MDGA2: variants seen among roughly 807,000 people sequenced by gnomAD.
The protein encoded by MDGA2 is MAM domain containing glycosylphosphatidylinositol anchor 2, also known as MAM domain-containing glycosylphosphatidylinositol anchor protein 2.
A neutral mutation model predicts 117.8 loss-of-function variants in MDGA2; 40 were observed. That is an observed-to-expected ratio of 0.34 (90% CI 0.26 to 0.44). MDGA2 has a LOEUF of 0.44. Ranked by LOEUF, MDGA2 falls within the 20% of genes least tolerant of loss-of-function variation. The probability of loss-of-function intolerance (pLI) is 1.00; values close to 1 mark genes in which losing one functional copy is unlikely to be tolerated. For missense variants in MDGA2, 1,123 were observed against 1,250.6 expected, an observed-to-expected ratio of 0.90 and a Z score of 1.54; for synonymous variants, 452 against 439.0, an observed-to-expected ratio of 1.03 and a Z score of -0.37.
chr14:46,864,808 A>G (rs1271720624), intron 14 of MDGA2, among the ~76,000 whole-genome samples: 2 of 151,956 alleles, frequency 1.3e-5, no homozygotes, highest in Non-Finnish European at 1.5e-5. Context: ...TAATATCTAA[A>G]TGGAGAACAC....
At chr14:47,484,362 A>G (rs1894014934) in intron 1 of MDGA2, among the ~76,000 whole-genome samples, 1 of 152,206 alleles carries the variant, frequency 6.6e-6, no homozygotes, top group Non-Finnish European at 1.5e-5. Flanking sequence ...AATAAAGTCA[A>G]GTCCATCCAA....
At chr14:47,116,705 GC>G (rs1881349342) in intron 5 of MDGA2, among the ~76,000 whole-genome samples, 1 of 151,958 alleles carries the variant, frequency 6.6e-6, no homozygotes, top group African/African-American at 2.4e-5. Context: ...ATATCCATGT[GC>G]AAAGAAAAAA....
At chr14:47,394,745 A>C (rs1049906356) in intron 1 of MDGA2, among the ~76,000 whole-genome samples, 1 of 152,202 alleles carries the variant, frequency 6.6e-6, no homozygotes, top group African/African-American at 2.4e-5. Flanking sequence ...ATAAAGTGTC[A>C]AATTAAAACA....
chr14:47,089,090 T>A (rs977053735), intron 6 of MDGA2, among the ~76,000 whole-genome samples: 2 of 151,446 alleles, frequency 1.3e-5, no homozygotes, highest in Admixed American at 6.6e-5. Context: ...ATTGTTGAGA[T>A]TTTTTTTTCC....
intron 8 of MDGA2, among the ~76,000 whole-genome samples, chr14:46,976,302 A>T (rs770433217): frequency 4.6e-5 from 7 of 152,206 alleles, no homozygotes; most frequent in Non-Finnish European, 5.9e-5. Flanking sequence ...CTTAGAACAA[A>T]ACAAAAAAGA....
intron 9 of MDGA2, among the ~76,000 whole-genome samples, chr14:46,929,607 A>G (rs1357559964): frequency 0.043 from 478 of 11,146 alleles, 18 homozygotes; most frequent in African/African-American, 0.16. Context: ...GTGTGTATAT[A>G]TATATATATA....
intron 3 of MDGA2, among the ~76,000 whole-genome samples, chr14:47,187,325 A>T (rs952190210): frequency 3.9e-5 from 6 of 152,014 alleles, no homozygotes; most frequent in African/African-American, 1.4e-4. Context: ...AACTTTTATA[A>T]GAGTTTTCAG....
At chr14:47,195,803 G>A (rs58409833) in intron 3 of MDGA2, among the ~76,000 whole-genome samples, 1 of 152,074 alleles carries the variant, frequency 6.6e-6, no homozygotes, top group East Asian at 1.9e-4. Context: ...CCTGAGAAGT[G>A]CATTTATAGA....
intron 8 of MDGA2, among the ~76,000 whole-genome samples, chr14:47,015,416 T>G (rs1245703881): frequency 7.2e-6 from 1 of 138,860 alleles, no homozygotes; most frequent in Non-Finnish European, 1.6e-5. Flanking sequence ...TAAAGGACAA[T>G]AAAACAAAAT....
chr14:47,519,614 A>G lies in MDGA2; in HGVS notation c.280+154903T>C, dbSNP rs374946260. Reference sequence around the variant, plus strand: ...TTAAATTCTCCCAAGTTTTTATTTGATTATTTTGTCAGAGGGAAGTGGAAA... The same window carrying G: ...TTAAATTCTCCCAAGTTTTTATTTGGTTATTTTGTCAGAGGGAAGTGGAAA... On this transcript the variant is annotated intron_variant, in intron 1 of 16. Coordinates refer to ENST00000399232, the MANE Select transcript of MDGA2 (RefSeq NM_001113498.3). Among the ~76,000 whole-genome samples, 11 of 152,270 alleles carry G rather than the reference A, an allele frequency of 7.2e-5. No individual in the cohort carries two copies. In the East Asian group the frequency reaches 1.9e-3, roughly 27 times the overall value.
At chr14:47,215,672 C>A (rs996293217) in intron 3 of MDGA2, among the ~76,000 whole-genome samples, 1 of 152,070 alleles carries the variant, frequency 6.6e-6, no homozygotes, top group South Asian at 2.1e-4. Context: ...GTAGAAAGAT[C>A]ATTGGTGCTA....
At chr14:47,433,293 T>C (rs929403739) in intron 1 of MDGA2, among the ~76,000 whole-genome samples, 1 of 152,008 alleles carries the variant, frequency 6.6e-6, no homozygotes, top group African/African-American at 2.4e-5. Context: ...TCCTTCTACT[T>C]GGTTTCTTGG....
chr14:46,916,278 G>A (rs1250546669), intron 10 of MDGA2, among the ~76,000 whole-genome samples: 1 of 152,134 alleles, frequency 6.6e-6, no homozygotes, highest in Non-Finnish European at 1.5e-5. Context: ...ATAGGATGAA[G>A]AGGGGCGGAG....
At chr14:47,006,331 T>A (rs964737823) in intron 8 of MDGA2, among the ~76,000 whole-genome samples, 1 of 149,440 alleles carries the variant, frequency 6.7e-6, no homozygotes, top group Non-Finnish European at 1.5e-5. Context: ...TGTCTCCATT[T>A]CACAAAAACA....
In MDGA2 at chr14:47,068,905, C is replaced by T. The variant is rs574347295; in HGVS notation, c.1196-7327G>A. Among the ~76,000 whole-genome samples, 4 of 152,180 alleles carry T rather than the reference C, an allele frequency of 2.6e-5. 1 individual carries two copies. The highest frequency in any genetic ancestry group is 7.2e-5 in the African/African-American group (3 of 41,530). On this transcript the variant is annotated intron_variant, in intron 6 of 16. Coordinates refer to ENST00000399232, the MANE Select transcript of MDGA2 (RefSeq NM_001113498.3). ...GCTTTTTTGTTTTCTGTCTCGTAAG[C>T]GGTGCCCTTTCCCTTTCCAAAGTGA...
At chr14:47,560,138 G>A (rs1895769114) in intron 1 of MDGA2, among the ~76,000 whole-genome samples, 1 of 151,566 alleles carries the variant, frequency 6.6e-6, no homozygotes, top group Admixed American at 6.6e-5. Context: ...TGCTATCTCG[G>A]GTCACTGCAA....
chr14:47,422,114 T>C (rs1892592525), intron 1 of MDGA2, among the ~76,000 whole-genome samples: 1 of 152,164 alleles, frequency 6.6e-6, no homozygotes, highest in South Asian at 2.1e-4. Context: ...CAGCATTTTC[T>C]GATTTTTATT....
intron 1 of MDGA2, among the ~76,000 whole-genome samples, chr14:47,310,557 G>A (rs1017374267): frequency 6.6e-6 from 1 of 152,028 alleles, no homozygotes. Context: ...AGGGAACTAA[G>A]CTTTCCTCTT....
intron 1 of MDGA2, among the ~76,000 whole-genome samples, chr14:47,418,065 CTTTTTAAT>C (rs537011673): frequency 2.8e-4 from 42 of 151,980 alleles, no homozygotes; most frequent in Admixed American, 2.0e-3. Context: ...AATTAGGGTA[CTTTTTAAT>C]TTTTTAATTT....
Sources: allele counts gnomAD v4.1 joint callset (sites outside exome capture counted in the v4.1 genomes callset), GRCh38; gene constraint gnomAD v4.1.1; transcripts MANE v1.5; gene names NCBI Gene and HGNC (gene_info 2026-07-23, HGNC 2026-07-21).